The following DGKI variants were observed in gnomAD, a reference collection of about 807,000 sequenced individuals.
DGKI encodes the protein DAG kinase iota.
A neutral mutation model predicts 147.5 loss-of-function variants in DGKI; 55 were observed. That is an observed-to-expected ratio of 0.37 (90% confidence interval 0.30 to 0.47). DGKI has a LOEUF of 0.47. DGKI is among the 20% of genes least tolerant of loss of function. The probability of loss-of-function intolerance (pLI) is 1.00; values close to 1 mark genes in which losing one functional copy is unlikely to be tolerated. For missense variants in DGKI, 1,007 were observed against 1,323.8 expected (o/e 0.76, Z 3.71); for synonymous variants, 469 against 477.1 (o/e 0.98, Z 0.22).
Position 137,452,459 on chromosome 7 carries a change from C to T in DGKI, c.2736-8357G>A, listed in dbSNP as rs114928737. Reference sequence around the variant, plus strand: ...CTAGACACCGTGCTCCTTCTACACCCTACACAGCACACTACAAATAAGTAC... The same window carrying T: ...CTAGACACCGTGCTCCTTCTACACCTTACACAGCACACTACAAATAAGTAC... On this transcript the variant is annotated intron_variant, in intron 27 of 32. Transcript: ENST00000614521. Among the ~76,000 whole-genome samples the T allele has an allele frequency of 4.3e-3, 649 of 152,320 alleles. 5 individuals are homozygous for T. Among genetic ancestry groups the T allele is most frequent in the African/African-American group, 0.015 (621 of 41,574 alleles).
At chr7:137,595,798 T>G (rs1177847013) in intron 12 of DGKI, among the ~76,000 whole-genome samples, 1 of 151,600 alleles carries the variant, frequency 6.6e-6, no homozygotes, top group African/African-American at 2.4e-5. Flanking sequence ...GGTCAGGAGA[T>G]CGAGACCATC....
chr7:137,663,471 C>A (rs1403404760), intron 3 of DGKI, among the ~76,000 whole-genome samples: 1 of 152,228 alleles, frequency 6.6e-6, no homozygotes, highest in Non-Finnish European at 1.5e-5. Context: ...GATCTGAAGT[C>A]TCTTTACGTA....
In DGKI at chr7:137,571,184, C is replaced by T; in HGVS notation, c.1938G>A (p.Met646Ile). The part of the protein sequence containing the change: ...DGYIEVIGFT[M>I]ASLAALQVGG... ...CAGTTATATTGCTCACCAAAGAGGC[C>T]ATGGTAAATCCAATGACTTCAATAT... is the stretch of plus-strand genomic sequence containing the variant. Residue 646 changes from methionine (M) to isoleucine (I), a missense_variant, in exon 19 of 33, where the codon ATG (methionine) becomes ATA (isoleucine). This residue lies in a region of DGKI where 224 missense variants were observed against 382.7 expected (regional missense o/e 0.59). Coordinates refer to ENST00000614521, the MANE Select transcript of DGKI (RefSeq NM_001321708.2). 6.2e-7 allele frequency: 1 copy of T among 1,605,012 alleles called. No homozygotes were observed. Among genetic ancestry groups the T allele is most frequent in the Non-Finnish European group, 8.5e-7 (1 of 1,177,024 alleles).
intron 3 of DGKI, among the ~76,000 whole-genome samples, chr7:137,659,912 G>A (rs575694929): frequency 1.4e-4 from 22 of 152,256 alleles, no homozygotes; most frequent in African/African-American, 4.1e-4. Context: ...CAGCCTGGGC[G>A]ACAGAGCGAG....
rs556879161 is a variant in DGKI at position 137,382,568 on chromosome 7, T to C, written c.*8652A>G. The C allele has an allele frequency of 4.6e-5, 7 of 152,124 alleles. No individual in the cohort carries two copies. Among genetic ancestry groups the C allele is most frequent in the Non-Finnish European group, 1.5e-5 (1 of 67,986 alleles). The allele number at this position is 152,124 out of a possible 1,614,324, so 9.4% of individuals were successfully genotyped here. A position where few individuals can be genotyped will look rare whatever the true frequency, so the allele number is the denominator to read the frequency against. On this transcript the variant is annotated 3_prime_UTR_variant, in exon 33 of 33. Coordinates refer to ENST00000614521, the MANE Select transcript of DGKI (RefSeq NM_001321708.2). Reference sequence around the variant, plus strand: ...ACAACTAATACCCCTTGAAGCCACTTTGAACAAATTTAATCTTTCTGTATG... The same window carrying C: ...ACAACTAATACCCCTTGAAGCCACTCTGAACAAATTTAATCTTTCTGTATG...
intron 12 of DGKI, among the ~76,000 whole-genome samples, chr7:137,589,322 T>C (rs1819527225): frequency 1.3e-5 from 2 of 152,228 alleles, no homozygotes; most frequent in Non-Finnish European, 2.9e-5. Flanking sequence ...CTACCAATTA[T>C]GTCTAAAATT....
intron 27 of DGKI, among the ~76,000 whole-genome samples, chr7:137,450,012 T>G (rs556254832): frequency 1.7e-3 from 253 of 152,342 alleles, no homozygotes; most frequent in Non-Finnish European, 3.4e-3. Context: ...GATATTATGT[T>G]AAGCTAAATA....
At chr7:137,418,743 A>C (rs1340981243) in intron 28 of DGKI, among the ~76,000 whole-genome samples, 1 of 152,198 alleles carries the variant, frequency 6.6e-6, no homozygotes, top group African/African-American at 2.4e-5. Flanking sequence ...TAGAAGAAAA[A>C]AATAAAAGTA....
chr7:137,706,756 T>G (rs539623836), intron 1 of DGKI, among the ~76,000 whole-genome samples: 1 of 152,096 alleles, frequency 6.6e-6, no homozygotes, highest in African/African-American at 2.4e-5. Flanking sequence ...GTATTTTTAG[T>G]AGAGACGGGG....
intron 27 of DGKI, among the ~76,000 whole-genome samples, chr7:137,457,104 C>T (rs1814234148): frequency 6.6e-6 from 1 of 152,126 alleles, no homozygotes; most frequent in African/African-American, 2.4e-5. Context: ...GTCAGCTATC[C>T]TGTATTTTTC....
chr7:137,805,474 A>G (rs1486457620), intron 1 of DGKI, among the ~76,000 whole-genome samples: 1 of 152,236 alleles, frequency 6.6e-6, no homozygotes, highest in Non-Finnish European at 1.5e-5. Flanking sequence ...AGCTTCCCAG[A>G]CAAGGATCCA....
At chr7:137,804,447 C>T (rs978229262) in intron 1 of DGKI, among the ~76,000 whole-genome samples, 2 of 152,178 alleles carry the variant, frequency 1.3e-5, no homozygotes, top group African/African-American at 2.4e-5. Flanking sequence ...TCACTCATTC[C>T]GTCCTTTTAA....
At chr7:137,578,634 C>T (rs1819069613) in intron 15 of DGKI, among the ~76,000 whole-genome samples, 1 of 152,136 alleles carries the variant, frequency 6.6e-6, no homozygotes, top group South Asian at 2.1e-4. Context: ...AGTGTGGAGT[C>T]TATACATCTG....
intron 8 of DGKI, among the ~76,000 whole-genome samples, chr7:137,611,260 T>A (rs1238517470): frequency 2.0e-5 from 3 of 152,166 alleles, no homozygotes; most frequent in South Asian, 2.1e-4. Context: ...AGGAACAGTA[T>A]GTATTTGGTG....
At chr7:137,577,166 T>C (rs1367468076) in intron 17 of DGKI, 56 bp downstream of exon 17, 1 of 1,296,994 alleles carries the variant, frequency 7.7e-7, no homozygotes, top group African/African-American at 1.5e-5. Flanking sequence ...TTTGGGAGTT[T>C]TTTGTGGCAG....
intron 28 of DGKI, 24 bp from the exon 29 acceptor site, chr7:137,412,231 T>A (rs1300969979): frequency 6.2e-7 from 1 of 1,607,656 alleles, no homozygotes; most frequent in Non-Finnish European, 8.5e-7. Context: ...AAGAGAGATG[T>A]CCCATTAGTA....
intron 28 of DGKI, among the ~76,000 whole-genome samples, chr7:137,422,667 C>T (rs1220391610): frequency 7.8e-6 from 1 of 128,138 alleles, no homozygotes; most frequent in African/African-American, 2.9e-5. Flanking sequence ...TGCAGTGGCG[C>T]CATCTCAGCT....
intron 1 of DGKI, among the ~76,000 whole-genome samples, chr7:137,784,539 C>T (rs962390868): frequency 1.6e-4 from 24 of 152,008 alleles, no homozygotes; most frequent in Non-Finnish European, 3.2e-4. Context: ...GACTTTAATA[C>T]TCCACTGACA....
intron 1 of DGKI, among the ~76,000 whole-genome samples, chr7:137,789,079 T>C (rs1171432359): frequency 4.6e-5 from 7 of 152,150 alleles, no homozygotes. Context: ...TATTCACCCA[T>C]AACACAGGTC....
Sources: allele counts gnomAD v4.1 joint callset (sites outside exome capture counted in the v4.1 genomes callset), GRCh38; gene constraint gnomAD v4.1.1; regional missense constraint gnomAD v4.1.1; transcripts MANE v1.5; gene names NCBI Gene and HGNC (gene_info 2026-07-23, HGNC 2026-07-21).